The following PLIN2 variants were observed in gnomAD, a reference collection of about 807,000 sequenced individuals.
PLIN2 encodes the protein perilipin 2.
Under a neutral mutation model 30.6 loss-of-function variants are expected in PLIN2, and 33 were observed. The observed-to-expected ratio is 1.08, with a 90% CI of 0.82 to 1.44. The LOEUF is 1.44. PLIN2 is among the 40% of genes most tolerant of loss of function. PLIN2 has a pLI of 0.00. For synonymous variants in PLIN2, 205 were observed against 201.1 expected, an observed-to-expected ratio of 1.02 and a Z score of -0.16; for missense variants, 610 against 531.8, an observed-to-expected ratio of 1.15 and a Z score of -1.45.
intron 2 of PLIN2, among the ~76,000 whole-genome samples, chr9:19,109,433 A>G (rs1034802949): frequency 4.6e-5 from 7 of 151,654 alleles, no homozygotes; most frequent in African/African-American, 1.7e-4. Context: ...ATGCCCCTGT[A>G]GCCCCAGTTA....
intron 1 of PLIN2, 111 bp from the exon 2 acceptor site, chr9:19,126,559 T>G (rs1818403637): frequency 1.4e-6 from 1 of 704,024 alleles, no homozygotes; most frequent in African/African-American, 1.8e-5. Flanking sequence ...GTGAGCTCCC[T>G]GTAGTCTTCT....
rs149124591 is a variant in PLIN2 at position 19,126,126 on chromosome 9, G to C, written c.214C>G (p.Leu72Val). 4.8e-3 allele frequency: 7,734 copies of C among 1,613,842 alleles called. 82 individuals are homozygous for C. Among genetic ancestry groups the C allele is most frequent in the South Asian group, 0.028 (2,538 of 91,074 alleles). The stretch of plus-strand genomic sequence containing the variant: ...AATCAGAACTCACTTTGCGGCTCTA[G>C]CTTCTGGATGATGGGCAGAGCACTG... Reference protein sequence around the residue: ...MTSALPIIQKLEPQIAVANTY... With the variant: ...MTSALPIIQKVEPQIAVANTY... Residue 72 changes from leucine to valine, a missense_variant, in exon 3 of 8, where the codon CTA becomes GTA. Transcript: ENST00000276914.
In PLIN2 at chr9:19,116,618, C is replaced by T. The variant is rs896892781; in HGVS notation, c.944G>A (p.Arg315His). Residue 315 changes from arginine (R) to histidine (H), a missense_variant, in exon 8 of 8, where the codon CGC (arginine) becomes CAC (histidine). Transcript: ENST00000276914. ...HIESRTLAIARNLTQQLQTTC... is the reference protein window; with the variant it reads ...HIESRTLAIAHNLTQQLQTTC... ...GGTCTGGAGCTGCTGAGTCAGGTTG[C>T]GGGCAATTGCAAGAGTACGTGACTC... The T allele has an allele frequency of 1.1e-5, 17 of 1,613,172 alleles. No homozygotes were observed. Among genetic ancestry groups the T allele is most frequent in the African/African-American group, 6.7e-5 (5 of 74,856 alleles).
intron 3 of PLIN2, chr9:19,125,468 C>G (rs1818381331): frequency 6.6e-6 from 1 of 152,168 alleles, no homozygotes; most frequent in African/African-American, 2.4e-5. Context: ...AGGACAATCA[C>G]CTGAGCCCGA....
chr9:19,119,979 C>G, intron 5 of PLIN2, 148 bp from the exon 6 acceptor site: 1 of 569,692 alleles, frequency 1.8e-6, no homozygotes. Flanking sequence ...CTCACGTCTG[C>G]TGCTGGACTT....
intron 4 of PLIN2, among the ~76,000 whole-genome samples, chr9:19,122,262 T>A (rs2131182649): frequency 6.6e-6 from 1 of 152,244 alleles, no homozygotes. Context: ...GGCTATACAC[T>A]AAACCTACCT....
intron 1 of PLIN2, among the ~76,000 whole-genome samples, chr9:19,126,677 T>G (rs538643942): frequency 6.6e-5 from 10 of 152,194 alleles, no homozygotes; most frequent in African/African-American, 2.4e-4. Context: ...ATGTGTAAAC[T>G]TGCAATACTC....
At chr9:19,121,288 CT>C in intron 4 of PLIN2, 123 bp from the exon 5 acceptor site, 1 of 844,112 alleles carries the variant, frequency 1.2e-6, no homozygotes, top group Non-Finnish European at 1.8e-6. Context: ...CTCACTCTAG[CT>C]TTAGGTCTTG....
chr9:19,123,752 G>T (rs1007338603), intron 3 of PLIN2, 105 bp from the exon 4 acceptor site: 7 of 896,582 alleles, frequency 7.8e-6, no homozygotes, highest in Non-Finnish European at 1.2e-5. Context: ...TGGGCACGGT[G>T]GCTCACGCCT....
chr9:19,116,145 T>C lies in PLIN2; in HGVS notation c.*103A>G, dbSNP rs1013026665. The C allele has an allele frequency of 5.3e-6, 6 of 1,133,300 alleles. No individual in the cohort carries two copies. The African/African-American group carries it at 9.3e-5, about 18-fold the overall frequency. 70.2% of individuals were successfully genotyped at this position (1,133,300 alleles called of 1,614,324 possible). A position where few individuals can be genotyped will look rare whatever the true frequency, so the allele number is the denominator to read the frequency against. ...CAACTACAATTGAGGGCCTTTATAC[T>C]AGCTACTTGCTTCCCAATTTAGGGT... On this transcript the variant is annotated 3_prime_UTR_variant, in exon 8 of 8. Transcript: ENST00000276914.
downstream of PLIN2, among the ~76,000 whole-genome samples, chr9:19,114,320 C>A (rs990524852): frequency 6.6e-6 from 1 of 152,118 alleles, no homozygotes; most frequent in Non-Finnish European, 1.5e-5. Flanking sequence ...TAGAAAGAGA[C>A]TAATTTGAGT....
chr9:19,122,360 A>G (rs1209310852), intron 4 of PLIN2, among the ~76,000 whole-genome samples: 2 of 152,052 alleles, frequency 1.3e-5, no homozygotes. Flanking sequence ...GCCCTATAAC[A>G]GGTATACTTT....
intron 3 of PLIN2, 70 bp from the exon 4 acceptor site, chr9:19,123,717 C>T: frequency 1.5e-6 from 2 of 1,375,080 alleles, no homozygotes; most frequent in African/African-American, 1.4e-5. Flanking sequence ...TACCATAGGC[C>T]TTATAAAAAA....
At chr9:19,112,396 C>T (rs1184570115), downstream of PLIN2, among the ~76,000 whole-genome samples, 2 of 152,052 alleles carry the variant, frequency 1.3e-5, no homozygotes, top group African/African-American at 2.4e-5. Flanking sequence ...CCAGTTTATG[C>T]AACAATGAAG....
intron 4 of PLIN2, chr9:19,123,244 T>A: frequency 1.0e-6 from 1 of 978,774 alleles, no homozygotes; most frequent in East Asian, 2.6e-5. Flanking sequence ...GTTATATATA[T>A]CACGTCTGCA....
downstream of PLIN2, among the ~76,000 whole-genome samples, chr9:19,114,205 G>A (rs751057885): frequency 7.2e-5 from 11 of 152,022 alleles, no homozygotes; most frequent in African/African-American, 1.7e-4. Flanking sequence ...ATGAGTCACC[G>A]TGCCTGGTCG....
intron 5 of PLIN2, 110 bp downstream of exon 5, chr9:19,120,770 G>A: frequency 1.2e-6 from 1 of 838,234 alleles, no homozygotes; most frequent in Non-Finnish European, 1.9e-6. Context: ...GGATTGCAGT[G>A]ATGCTTGCAC....
At position 19,116,310 on chromosome 9, in the gene PLIN2, G is replaced by A; in HGVS notation, c.1252C>T (p.Gln418Ter). 6.2e-7 allele frequency: 1 copy of A among 1,613,760 alleles called. No homozygotes were observed. Among genetic ancestry groups the A allele is most frequent in the Non-Finnish European group, 8.5e-7 (1 of 1,179,944 alleles). Residue 418 changes from glutamine (Q) to a stop codon, truncating the protein, a stop_gained, in exon 8 of 8, where the codon CAA (glutamine) becomes TAA (stop). Coordinates refer to ENST00000276914, the MANE Select transcript of PLIN2 (RefSeq NM_001122.4). LOFTEE classifies it low-confidence loss of function (END_TRUNC). ...CTGCTCTTGTCCATCTCTGCACCTTGGTCCTGAGCATTCTGAGACTCAGTC... is the reference window on the plus strand; with the variant it reads ...CTGCTCTTGTCCATCTCTGCACCTTAGTCCTGAGCATTCTGAGACTCAGTC... The part of the protein sequence containing the change: ...QLTESQNAQD[Q>*]GAEMDKSSQE...
chr9:19,121,186 C>A (rs1021374209), intron 4 of PLIN2, 21 bp from the exon 5 acceptor site: 1 of 1,610,354 alleles, frequency 6.2e-7, no homozygotes, highest in Non-Finnish European at 8.5e-7. Context: ...AAAAGCAGAT[C>A]CCCTGGCTGG....
Sources: gnomAD v4.1 joint callset for allele counts (sites outside exome capture counted in the v4.1 genomes callset) on GRCh38, gnomAD v4.1.1 for gene constraint, MANE v1.5 for transcripts, NCBI Gene and HGNC (gene_info 2026-07-23, HGNC 2026-07-21) for gene names.